Variants in SLC35F1 observed in about 807,000 individuals in gnomAD.
The protein encoded by SLC35F1 is solute carrier family 35 member F1.
A neutral mutation model predicts 48.7 loss-of-function variants in SLC35F1; 14 were observed. The observed-to-expected ratio is 0.29, with a 90% confidence interval of 0.19 to 0.45. The LOEUF (loss-of-function observed/expected upper bound fraction) is 0.45, where lower values mean the gene tolerates loss of function less well. Among genes scored for constraint, SLC35F1 ranks in the 20% least tolerant of loss-of-function variants. The pLI is 1.00. For synonymous variants in SLC35F1, 190 were observed against 202.2 expected (o/e 0.94, Z 0.51); for missense variants, 404 against 500.0 (o/e 0.81, Z 1.83).
intron 1 of SLC35F1, among the ~76,000 whole-genome samples, chr6:117,923,983 T>A (rs926317684): frequency 6.6e-6 from 1 of 150,810 alleles, no homozygotes. Flanking sequence ...GAATGGAAAT[T>A]GACATACATA....
At chr6:118,278,229 A>G (rs568434966) in intron 6 of SLC35F1, among the ~76,000 whole-genome samples, 2 of 152,322 alleles carry the variant, frequency 1.3e-5, no homozygotes, top group South Asian at 2.1e-4. Flanking sequence ...GACATTTGCT[A>G]CCCTCAGAAG....
intron 2 of SLC35F1, among the ~76,000 whole-genome samples, chr6:118,167,338 C>T (rs534726071): frequency 6.6e-4 from 101 of 152,238 alleles, no homozygotes; most frequent in African/African-American, 1.8e-3. Flanking sequence ...CTGAGAAATG[C>T]GTCTTTAGGT....
chr6:118,098,141 C>T (rs1773204576), intron 1 of SLC35F1, among the ~76,000 whole-genome samples: 1 of 152,158 alleles, frequency 6.6e-6, no homozygotes, highest in South Asian at 2.1e-4. Context: ...GAACTTATTT[C>T]ATTACTTCAC....
At chr6:118,017,709 C>T (rs936501583) in intron 1 of SLC35F1, among the ~76,000 whole-genome samples, 4 of 152,134 alleles carry the variant, frequency 2.6e-5, no homozygotes, top group Admixed American at 2.6e-4. Flanking sequence ...ATAAAGTGCT[C>T]TAAGTTAAGT....
chr6:117,915,999 G>A (rs1011543675), intron 1 of SLC35F1, among the ~76,000 whole-genome samples: 1 of 152,196 alleles, frequency 6.6e-6, no homozygotes, highest in African/African-American at 2.4e-5. Context: ...ATACTTGTTT[G>A]TTGAAAGGTT....
At chr6:118,227,053 C>T (rs1375191433) in intron 2 of SLC35F1, among the ~76,000 whole-genome samples, 2 of 152,170 alleles carry the variant, frequency 1.3e-5, no homozygotes, top group Non-Finnish European at 2.9e-5. Context: ...ACCTGGGTGA[C>T]AGCCCACTGC....
intron 1 of SLC35F1, among the ~76,000 whole-genome samples, chr6:118,135,887 A>G (rs1471358707): frequency 6.7e-6 from 1 of 149,572 alleles, no homozygotes; most frequent in Non-Finnish European, 1.5e-5. Context: ...GGTGTCTTCC[A>G]TCAGGTCCCC....
At chr6:118,036,025 A>T (rs546595366) in intron 1 of SLC35F1, among the ~76,000 whole-genome samples, 3 of 151,996 alleles carry the variant, frequency 2.0e-5, no homozygotes, top group Non-Finnish European at 4.4e-5. Flanking sequence ...TTATTTTTCT[A>T]TCATTTATCC....
At chr6:118,274,867 A>C (rs541715875) in intron 4 of SLC35F1, among the ~76,000 whole-genome samples, 4 of 152,354 alleles carry the variant, frequency 2.6e-5, no homozygotes, top group African/African-American at 9.6e-5. Context: ...CCATGGTCAA[A>C]GTGCAATCTT....
intron 1 of SLC35F1, among the ~76,000 whole-genome samples, chr6:118,136,392 A>C (rs1582686472): frequency 6.6e-6 from 1 of 152,176 alleles, no homozygotes; most frequent in South Asian, 2.1e-4. Context: ...AAATACCTTC[A>C]GGTCTTTTCA....
At chr6:118,224,963 G>A (rs1337437729) in intron 2 of SLC35F1, among the ~76,000 whole-genome samples, 2 of 152,166 alleles carry the variant, frequency 1.3e-5, no homozygotes, top group African/African-American at 2.4e-5. Context: ...AGTGGTAAAA[G>A]TGAGCATCCT....
intron 1 of SLC35F1, among the ~76,000 whole-genome samples, chr6:118,055,232 TC>T (rs1772447401): frequency 6.6e-6 from 1 of 152,228 alleles, no homozygotes; most frequent in Non-Finnish European, 1.5e-5. Context: ...ATACATGCAT[TC>T]TTGAGGATGT....
chr6:118,244,363 T>C (rs1332877540), intron 3 of SLC35F1, among the ~76,000 whole-genome samples: 2 of 152,254 alleles, frequency 1.3e-5, no homozygotes, highest in Admixed American at 1.3e-4. Flanking sequence ...GCTCTGGCAG[T>C]GTTACAGCTC....
intron 1 of SLC35F1, among the ~76,000 whole-genome samples, chr6:118,136,852 T>C (rs1009975756): frequency 6.6e-6 from 1 of 152,196 alleles, no homozygotes; most frequent in African/African-American, 2.4e-5. Flanking sequence ...TAAGAAAACA[T>C]TTTATGAAAT....
intron 1 of SLC35F1, among the ~76,000 whole-genome samples, chr6:118,095,817 G>A (rs776099593): frequency 6.6e-6 from 1 of 152,132 alleles, no homozygotes; most frequent in Non-Finnish European, 1.5e-5. Context: ...GGGAAGAAAG[G>A]AGAATGTGGA....
chr6:118,211,607 A>G (rs1320327533), intron 2 of SLC35F1, among the ~76,000 whole-genome samples: 2 of 152,248 alleles, frequency 1.3e-5, no homozygotes, highest in Admixed American at 1.3e-4. Flanking sequence ...ACAACCAGGA[A>G]CATATGGACA....
chr6:117,929,471 G>GTT (rs1562240985), intron 1 of SLC35F1, among the ~76,000 whole-genome samples: 1 of 151,588 alleles, frequency 6.6e-6, no homozygotes, highest in Admixed American at 6.6e-5. Flanking sequence ...GTGTGTGTGT[G>GTT]TGTGTGTGTG....
At chr6:117,922,738 T>A (rs921660733) in intron 1 of SLC35F1, among the ~76,000 whole-genome samples, 2 of 152,200 alleles carry the variant, frequency 1.3e-5, no homozygotes, top group Non-Finnish European at 2.9e-5. Flanking sequence ...TAGCTTGCCC[T>A]GTCACTGGAC....
intron 7 of SLC35F1, among the ~76,000 whole-genome samples, chr6:118,299,025 T>G (rs886646875): frequency 6.6e-6 from 1 of 151,890 alleles, no homozygotes; most frequent in African/African-American, 2.4e-5. Context: ...CATATATATT[T>G]TTTAAATTAG....
Sources: allele counts gnomAD v4.1 joint callset (sites outside exome capture counted in the v4.1 genomes callset), GRCh38; gene constraint gnomAD v4.1.1; transcripts MANE v1.5; gene names NCBI Gene and HGNC (gene_info 2026-07-23, HGNC 2026-07-21).